The following SMIM23 variants were observed in gnomAD, a reference collection of about 807,000 sequenced individuals.
The protein encoded by SMIM23 is small integral membrane protein 23.
In SMIM23, 10 loss-of-function variants were observed where a neutral mutation model predicts 12.8. The observed-to-expected ratio is 0.78, with a 90% CI of 0.48 to 1.32. SMIM23 has a LOEUF of 1.32. SMIM23 is among the 40% of genes most tolerant of loss of function. The probability of loss-of-function intolerance (pLI) is 0.00; values close to 1 mark genes in which losing one functional copy is unlikely to be tolerated. For missense variants in SMIM23, 184 were observed against 198.2 expected (o/e 0.93, Z 0.43); for synonymous variants, 78 against 80.1 (o/e 0.97, Z 0.14).
chr5:171,789,226 G>A (rs1260381993), intron 1 of SMIM23, among the ~76,000 whole-genome samples: 1 of 152,200 alleles, frequency 6.6e-6, no homozygotes, highest in Non-Finnish European at 1.5e-5. Flanking sequence ...ATATAAAAAG[G>A]CTAGCTAATG....
At chr5:171,775,572 A>G in the SMIM23 span, among the ~76,000 whole-genome samples, 1 of 152,052 alleles carries the variant, frequency 6.6e-6, no homozygotes, top group Admixed American at 6.5e-5. Flanking sequence ...TCCCCTGAAG[A>G]CCCTGATCTC....
chr5:171,785,836 T>G lies in SMIM23; in HGVS notation c.-36T>G, dbSNP rs775214078. ...AGGGGAAGGGTGCCCTTCTGTCTGT[T>G]GAGTGTGGTCCACCCAGGCAGCCAG... On this transcript the variant is annotated 5_prime_UTR_variant, in exon 1 of 4. Coordinates refer to ENST00000523047, the MANE Select transcript of SMIM23 (RefSeq NM_001289970.2). 4.7e-6 allele frequency: 7 copies of G among 1,499,880 alleles called. No homozygotes were observed. Among genetic ancestry groups the G allele is most frequent in the Non-Finnish European group, 6.3e-6 (7 of 1,113,816 alleles). 92.9% of individuals were successfully genotyped at this position (1,499,880 alleles called of 1,614,324 possible).
chr5:171,781,083 C>T (rs1360754509), upstream of SMIM23, among the ~76,000 whole-genome samples: 1 of 152,194 alleles, frequency 6.6e-6, no homozygotes, highest in African/African-American at 2.4e-5. Context: ...TTAGAAAACT[C>T]TCAAAATATC....
chr5:171,781,811 T>C (rs1755732369), upstream of SMIM23, among the ~76,000 whole-genome samples: 1 of 152,012 alleles, frequency 6.6e-6, no homozygotes, highest in East Asian at 1.9e-4. Flanking sequence ...CTTCCAGAAA[T>C]TTTCTGTCTA....
upstream of SMIM23, among the ~76,000 whole-genome samples, chr5:171,785,659 C>T (rs903253289): frequency 3.9e-5 from 6 of 152,074 alleles, no homozygotes; most frequent in African/African-American, 1.2e-4. Context: ...TGCATTTCTT[C>T]CTGATCTTTG....
intron 1 of SMIM23, among the ~76,000 whole-genome samples, chr5:171,787,277 C>T (rs1263035861): frequency 1.3e-5 from 2 of 152,186 alleles, no homozygotes; most frequent in Admixed American, 6.5e-5. Flanking sequence ...CTCCGCCTCC[C>T]AAAGTGCTGG....
At chr5:171,773,750 T>C in the SMIM23 span, 1 of 456,078 alleles carries the variant, frequency 2.2e-6, no homozygotes, top group Non-Finnish European at 4.4e-6. Flanking sequence ...CAGGCAAGTG[T>C]TGGCATGCAG....
intron 1 of SMIM23, 117 bp downstream of exon 1, chr5:171,786,093 T>TCCCA (rs1755812019): frequency 1.2e-6 from 1 of 810,948 alleles, no homozygotes; most frequent in African/African-American, 1.7e-5. Context: ...CGTCCCTGGA[T>TCCCA]CCCACTCTGA....
chr5:171,781,625 C>T (rs59158740), upstream of SMIM23, among the ~76,000 whole-genome samples: 1,774 of 151,956 alleles, frequency 0.012, 35 homozygotes, highest in African/African-American at 0.04. Context: ...TATAAGACGA[C>T]GAACCCTGGA....
upstream of SMIM23, among the ~76,000 whole-genome samples, chr5:171,784,096 G>A (rs1385555121): frequency 3.3e-5 from 5 of 152,104 alleles, no homozygotes; most frequent in Non-Finnish European, 7.4e-5. Context: ...ATAAAAAATT[G>A]CTTAATAAAA....
chr5:171,785,903 A>G lies in SMIM23; in HGVS notation c.32A>G (p.Gln11Arg). 1 of 1,536,274 alleles carries G rather than the reference A, an allele frequency of 6.5e-7. No individual in the cohort carries two copies. The highest frequency in any genetic ancestry group is 8.7e-7 in the Non-Finnish European group (1 of 1,146,934). Residue 11 changes from glutamine (Q) to arginine (R), a missense_variant, in exon 1 of 4, where the codon CAG becomes CGG. By Grantham distance (43) the Gln-to-Arg change is conservative. Coordinates refer to ENST00000523047, the MANE Select transcript of SMIM23 (RefSeq NM_001289970.2). Reference sequence around the variant, plus strand: ...ACCCAGCAAGTGGACAGCAGAAGGCAGGTGGCAGCAGAGCAGGTGGCAGCC... The same window carrying G: ...ACCCAGCAAGTGGACAGCAGAAGGCGGGTGGCAGCAGAGCAGGTGGCAGCC... The part of the protein sequence containing the change: MATQQVDSRR[Q>R]VAAEQVAAQL...
At chr5:171,775,332 C>T in the SMIM23 span, among the ~76,000 whole-genome samples, 1 of 152,216 alleles carries the variant, frequency 6.6e-6, no homozygotes, top group Non-Finnish European at 1.5e-5. Flanking sequence ...GAGCATTCCC[C>T]CCAACCCCCA....
rs1419534204 is a variant in SMIM23, at chr5:171,785,942, G to A, written c.71G>A (p.Arg24Gln). 10 of 1,536,090 alleles carry A rather than the reference G, an allele frequency of 6.5e-6. No individual in the cohort carries two copies. The highest frequency in any genetic ancestry group is 2.4e-5 in the South Asian group (2 of 84,066). ...AEQVAAQLLE[R>Q]RRGSHCDDEK... is the part of the protein sequence containing the mutation. ...CAGGTGGCAGCCCAGCTGCTTGAAC[G>A]GAGAAGGGGCAGCCACTGTGATGAC... The change falls in exon 1 of 4, where the codon CGG (arginine) becomes CAG (glutamine). Residue 24 changes from arginine (R) to glutamine (Q), a missense_variant. By Grantham distance (43) the Arg-to-Gln change is conservative (BLOSUM62 1). Transcript: ENST00000523047.
upstream of SMIM23, among the ~76,000 whole-genome samples, chr5:171,781,998 A>C (rs536330735): frequency 1.3e-5 from 2 of 152,356 alleles, no homozygotes; most frequent in South Asian, 4.1e-4. Flanking sequence ...GGGCGGGGAC[A>C]AATAAGGGAA....
chr5:171,790,923 G>C lies in SMIM23; in HGVS notation c.354G>C (p.Ala118=), dbSNP rs541974796. 13 of 1,536,178 alleles carry C rather than the reference G, an allele frequency of 8.5e-6. No individual in the cohort carries two copies. In the South Asian group the frequency reaches 1.4e-4, roughly 17 times the overall value. The change falls in exon 4 of 4, where the codon GCG becomes GCC. Residue 118 remains alanine (A), a synonymous_variant. Transcript: ENST00000523047. The part of the protein sequence containing the change: ...EEEVQQLEQL[A]WDLELWLDAL... ...AGGTGCAGCAGCTGGAGCAGCTAGC[G>C]TGGGACCTGGAACTGTGGCTGGATG...
chr5:171,788,091 T>G (rs1056062481), intron 1 of SMIM23, among the ~76,000 whole-genome samples: 1 of 151,038 alleles, frequency 6.6e-6, no homozygotes, highest in African/African-American at 2.4e-5. Flanking sequence ...TATTCTTTCT[T>G]TAAGGCAAAC....
chr5:171,783,291 T>A (rs565331483), upstream of SMIM23, among the ~76,000 whole-genome samples: 1 of 152,202 alleles, frequency 6.6e-6, no homozygotes, highest in Non-Finnish European at 1.5e-5. Context: ...GCTGGCAAAG[T>A]ATTTTGTTAT....
intron 1 of SMIM23, among the ~76,000 whole-genome samples, 153 bp from the exon 2 acceptor site, chr5:171,790,073 TAGTA>T (rs1351588381): frequency 2.6e-5 from 4 of 152,234 alleles, no homozygotes; most frequent in Non-Finnish European, 4.4e-5. Flanking sequence ...GGGAGTTTTG[TAGTA>T]AGTAAGTGTG....
the SMIM23 span, among the ~76,000 whole-genome samples, chr5:171,776,361 C>G: frequency 6.6e-6 from 1 of 152,178 alleles, no homozygotes; most frequent in Non-Finnish European, 1.5e-5. Context: ...CACATGTAAC[C>G]ACCCCTTCAC....
Sources: allele counts gnomAD v4.1 joint callset (sites outside exome capture counted in the v4.1 genomes callset), GRCh38; gene constraint gnomAD v4.1.1; transcripts MANE v1.5; gene names NCBI Gene and HGNC (gene_info 2026-07-23, HGNC 2026-07-21).